FMNL2: variants seen among roughly 807,000 people sequenced by gnomAD.
FMNL2 encodes formin like 2.
FMNL2 carries 51 observed loss-of-function variants against 130.2 expected under a neutral mutation model. The ratio of observed to expected loss-of-function variants is 0.39; its 90% CI spans 0.31 to 0.49. The LOEUF (loss-of-function observed/expected upper bound fraction) is 0.49, where lower values mean the gene tolerates loss of function less well. Ranked by LOEUF, FMNL2 falls within the 20% of genes least tolerant of loss-of-function variation. FMNL2 has a pLI of 0.85. For synonymous variants in FMNL2, 465 were observed against 467.1 expected (o/e 1.00, Z 0.06); for missense variants, 977 against 1,316.2 (o/e 0.74, Z 3.99).
intron 2 of FMNL2, among the ~76,000 whole-genome samples, chr2:152,531,468 G>C (rs1693686448): frequency 8.2e-6 from 1 of 122,372 alleles, no homozygotes; most frequent in African/African-American, 2.8e-5. Flanking sequence ...GTAAAATCAA[G>C]ATGTAAGATC....
intron 15 of FMNL2, 87 bp downstream of exon 15, chr2:152,619,805 G>A: frequency 3.3e-6 from 5 of 1,528,972 alleles, no homozygotes; most frequent in Non-Finnish European, 4.4e-6. Context: ...CAAAGTCCAG[G>A]TCTCTTGCAA....
chr2:152,628,249 G>C (rs781259519), intron 17 of FMNL2, 50 bp from the exon 18 acceptor site: 2 of 1,490,358 alleles, frequency 1.3e-6, no homozygotes, highest in Non-Finnish European at 1.9e-6. Context: ...CTTGAAAAGG[G>C]GGTAGGAGGT....
chr2:152,614,718 G>A (rs1698856132), intron 11 of FMNL2, 133 bp from the exon 12 acceptor site: 3 of 760,900 alleles, frequency 3.9e-6, no homozygotes, highest in Non-Finnish European at 5.8e-6. Context: ...ACTCCAGCCT[G>A]GGTGACAGAG....
At chr2:152,585,638 A>G (rs1697024646) in intron 9 of FMNL2, among the ~76,000 whole-genome samples, 1 of 152,148 alleles carries the variant, frequency 6.6e-6, no homozygotes, top group Non-Finnish European at 1.5e-5. Flanking sequence ...CAGAAATACC[A>G]TTTGGGGTTC....
chr2:152,390,949 A>G (rs1457736991), intron 1 of FMNL2, among the ~76,000 whole-genome samples: 1 of 152,262 alleles, frequency 6.6e-6, no homozygotes. Flanking sequence ...AATGACTTAT[A>G]AGAGACAGAG....
intron 1 of FMNL2, among the ~76,000 whole-genome samples, chr2:152,454,085 C>CCAA (rs955129518): frequency 2.0e-5 from 3 of 151,978 alleles, no homozygotes; most frequent in Non-Finnish European, 4.4e-5. Context: ...ACCAGCCTGG[C>CCAA]CAACATGGTG....
At chr2:152,593,380 G>A (rs1226534631) in intron 9 of FMNL2, among the ~76,000 whole-genome samples, 4 of 152,222 alleles carry the variant, frequency 2.6e-5, no homozygotes, top group Non-Finnish European at 4.4e-5. Flanking sequence ...ATTTGATTCT[G>A]TGGAAATCTG....
chr2:152,643,018 C>A (rs58546403), intron 25 of FMNL2, among the ~76,000 whole-genome samples: 7 of 149,324 alleles, frequency 4.7e-5, no homozygotes, highest in Admixed American at 1.3e-4. Flanking sequence ...CAAAAAAAAA[C>A]AAAACAAAAC....
chr2:152,625,284 T>C (rs982785224), intron 15 of FMNL2, 154 bp from the exon 16 acceptor site: 51 of 769,208 alleles, frequency 6.6e-5, no homozygotes, highest in Middle Eastern at 4.1e-4. Context: ...CAAGGCCATG[T>C]GTGTTGTTTT....
chr2:152,596,424 T>A (rs1697778139), intron 9 of FMNL2, among the ~76,000 whole-genome samples: 1 of 152,228 alleles, frequency 6.6e-6, no homozygotes, highest in Non-Finnish European at 1.5e-5. Context: ...GGAATTTTAC[T>A]ATTAGTTATC....
chr2:152,363,990 T>G (rs1683339875), intron 1 of FMNL2, among the ~76,000 whole-genome samples: 1 of 152,164 alleles, frequency 6.6e-6, no homozygotes, highest in African/African-American at 2.4e-5. Context: ...GGTGGTGGTG[T>G]TTATATTGGA....
chr2:152,571,842 A>G (rs1696185276), intron 6 of FMNL2, among the ~76,000 whole-genome samples: 1 of 152,196 alleles, frequency 6.6e-6, no homozygotes, highest in African/African-American at 2.4e-5. Flanking sequence ...TTATAGTTAT[A>G]ACTAGTTTCA....
intron 6 of FMNL2, among the ~76,000 whole-genome samples, chr2:152,568,533 G>A (rs1307508996): frequency 7.2e-5 from 11 of 152,048 alleles, no homozygotes; most frequent in Non-Finnish European, 1.6e-4. Context: ...ACATGTATTA[G>A]CCTGTTGTCA....
At chr2:152,359,411 C>T (rs1224062531) in intron 1 of FMNL2, among the ~76,000 whole-genome samples, 1 of 151,492 alleles carries the variant, frequency 6.6e-6, no homozygotes, top group African/African-American at 2.4e-5. Context: ...TCCTAAGTGC[C>T]CAATCTTAAT....
At chr2:152,537,130 T>C (rs1412507249) in intron 2 of FMNL2, among the ~76,000 whole-genome samples, 1 of 152,204 alleles carries the variant, frequency 6.6e-6, no homozygotes, top group East Asian at 1.9e-4. Context: ...AGAACTTAAG[T>C]CTGCCTGCCT....
In FMNL2 at chr2:152,640,792, C is replaced by A; in HGVS notation, c.3047C>A (p.Ser1016Tyr). The change falls in exon 25 of 26, where the codon TCT becomes TAT. Residue 1016 changes from serine to tyrosine, a missense_variant and splice_region_variant. Coordinates refer to ENST00000288670, the MANE Select transcript of FMNL2 (RefSeq NM_052905.4). ...ATCTCTGCCCTTCTTTCTTCTCAGT[C>A]TCCTTCTCATAAATCAAAGAGGCAG... is the stretch of plus-strand genomic sequence containing the variant. ...EALMEQQDPKSPSHKSKRQQQ... is the reference protein window; with the variant it reads ...EALMEQQDPKYPSHKSKRQQQ... 1 of 1,612,792 alleles carries A rather than the reference C, an allele frequency of 6.2e-7. No individual in the cohort carries two copies. The highest frequency in any genetic ancestry group is 8.5e-7 in the Non-Finnish European group (1 of 1,179,312).
At chr2:152,496,650 G>A (rs747181438) in intron 1 of FMNL2, among the ~76,000 whole-genome samples, 81 of 152,162 alleles carry the variant, frequency 5.3e-4, no homozygotes, top group Non-Finnish European at 9.7e-4. Flanking sequence ...CGTCATATGA[G>A]TTAGAATTCT....
At chr2:152,418,570 T>C (rs1686741669) in intron 1 of FMNL2, among the ~76,000 whole-genome samples, 1 of 152,226 alleles carries the variant, frequency 6.6e-6, no homozygotes, top group Admixed American at 6.5e-5. Context: ...CTTTTGTGTC[T>C]GGTTGATTTC....
At chr2:152,520,411 A>G (rs1693021856) in intron 1 of FMNL2, among the ~76,000 whole-genome samples, 1 of 152,152 alleles carries the variant, frequency 6.6e-6, no homozygotes, top group South Asian at 2.1e-4. Context: ...CCTGGCCAAC[A>G]TGGTGAAACC....
Sources: gnomAD v4.1 joint callset for allele counts (sites outside exome capture counted in the v4.1 genomes callset) on GRCh38, gnomAD v4.1.1 for gene constraint, MANE v1.5 for transcripts, NCBI Gene and HGNC (gene_info 2026-07-23, HGNC 2026-07-21) for gene names.